Variants in GPC6 observed in about 807,000 individuals in gnomAD.
GPC6 encodes the protein glypican-6.
In GPC6, 14 loss-of-function variants were observed where a neutral mutation model predicts 55.2. The observed-to-expected ratio is 0.25, with a 90% confidence interval of 0.17 to 0.40. The LOEUF (loss-of-function observed/expected upper bound fraction) is 0.40. GPC6 is among the 10% of genes least tolerant of loss of function. The probability of loss-of-function intolerance (pLI) is 1.00; values close to 1 mark genes in which losing one functional copy is unlikely to be tolerated. For missense variants in GPC6, 641 were observed against 708.5 expected (o/e 0.90, Z 1.08); for synonymous variants, 278 against 259.6 (o/e 1.07, Z -0.68).
intron 1 of GPC6, among the ~76,000 whole-genome samples, chr13:93,328,975 C>G (rs915773795): frequency 1.3e-5 from 2 of 152,052 alleles, no homozygotes; most frequent in African/African-American, 4.8e-5. Flanking sequence ...GATTCTGATA[C>G]CCTATATAGG....
At chr13:93,457,363 C>T (rs2139310061) in intron 1 of GPC6, among the ~76,000 whole-genome samples, 1 of 152,296 alleles carries the variant, frequency 6.6e-6, no homozygotes, top group African/African-American at 2.4e-5. Context: ...AATAAGGTCA[C>T]ATTCTGAGCT....
chr13:93,567,618 C>T (rs1048559756), intron 2 of GPC6, among the ~76,000 whole-genome samples: 1 of 151,914 alleles, frequency 6.6e-6, no homozygotes, highest in Non-Finnish European at 1.5e-5. Flanking sequence ...CCTCTGCACC[C>T]GGCCTATTGA....
intron 4 of GPC6, among the ~76,000 whole-genome samples, chr13:94,180,608 T>C (rs1414798839): frequency 6.6e-6 from 1 of 152,162 alleles, no homozygotes; most frequent in East Asian, 1.9e-4. Context: ...ATGTGATAAG[T>C]GGCCTTCTTC....
chr13:94,312,808 C>G (rs144625195), intron 6 of GPC6, among the ~76,000 whole-genome samples: 2 of 152,118 alleles, frequency 1.3e-5, no homozygotes, highest in African/African-American at 4.8e-5. Flanking sequence ...CAACAGTAAG[C>G]TAGATTCTCC....
intron 3 of GPC6, among the ~76,000 whole-genome samples, chr13:93,868,912 T>C (rs1431413015): frequency 4.0e-5 from 6 of 151,826 alleles, no homozygotes; most frequent in African/African-American, 1.4e-4. Flanking sequence ...CCACAAATAC[T>C]GTTGGCTGCA....
At chr13:93,981,763 T>C (rs9589875) in intron 3 of GPC6, among the ~76,000 whole-genome samples, 1 of 152,168 alleles carries the variant, frequency 6.6e-6, no homozygotes, top group Admixed American at 6.6e-5. Flanking sequence ...TTTCACAGTG[T>C]CATGTGTTTG....
chr13:94,324,546 G>A (rs1355565523), intron 6 of GPC6, among the ~76,000 whole-genome samples: 1 of 152,074 alleles, frequency 6.6e-6, no homozygotes, highest in Non-Finnish European at 1.5e-5. Flanking sequence ...GCCACAAGAA[G>A]AATCTTGCAG....
At chr13:93,995,629 C>T (rs1881509294) in intron 3 of GPC6, among the ~76,000 whole-genome samples, 1 of 152,154 alleles carries the variant, frequency 6.6e-6, no homozygotes, top group Non-Finnish European at 1.5e-5. Context: ...TGAACTTAAA[C>T]TTCAGTAATG....
intron 5 of GPC6, among the ~76,000 whole-genome samples, chr13:94,293,188 C>T (rs1042409137): frequency 1.1e-4 from 16 of 152,116 alleles, no homozygotes; most frequent in Admixed American, 3.3e-4. Flanking sequence ...CTACCAAGTA[C>T]CAGGCACAAG....
intron 2 of GPC6, among the ~76,000 whole-genome samples, chr13:93,629,493 A>C (rs964275898): frequency 1.3e-5 from 2 of 152,184 alleles, no homozygotes; most frequent in Admixed American, 1.3e-4. Flanking sequence ...TCTATTTTTT[A>C]AAAATCTTTA....
intron 1 of GPC6, among the ~76,000 whole-genome samples, chr13:93,507,152 C>T (rs1050059226): frequency 1.3e-5 from 2 of 150,664 alleles, no homozygotes; most frequent in Non-Finnish European, 2.9e-5. Flanking sequence ...TGTGGAGCAT[C>T]CCTGTGAAAG....
chr13:93,670,842 G>C (rs995733237), intron 2 of GPC6, among the ~76,000 whole-genome samples: 4 of 152,218 alleles, frequency 2.6e-5, no homozygotes, highest in Non-Finnish European at 5.9e-5. Flanking sequence ...ATTGTTTCTG[G>C]ATGATTGTGA....
chr13:93,543,588 C>T (rs1882416339), intron 1 of GPC6, among the ~76,000 whole-genome samples: 1 of 152,092 alleles, frequency 6.6e-6, no homozygotes. Flanking sequence ...GGAATAGTTT[C>T]AGAAGGAATG....
chr13:93,548,818 T>G (rs1437921877), intron 2 of GPC6, among the ~76,000 whole-genome samples: 2 of 152,176 alleles, frequency 1.3e-5, no homozygotes, highest in Non-Finnish European at 2.9e-5. Context: ...GAAATTTTAA[T>G]TCTTTGGCAG....
intron 4 of GPC6, among the ~76,000 whole-genome samples, chr13:94,206,540 C>T (rs1427362957): frequency 1.3e-5 from 2 of 152,118 alleles, no homozygotes; most frequent in African/African-American, 4.8e-5. Flanking sequence ...ACCTCTCCCA[C>T]GGCTAGCTAA....
chr13:93,505,615 G>T (rs1264974082), intron 1 of GPC6, among the ~76,000 whole-genome samples: 1 of 152,144 alleles, frequency 6.6e-6, no homozygotes, highest in Non-Finnish European at 1.5e-5. Flanking sequence ...CAGCAGTTCA[G>T]CACTACAGCT....
chr13:93,488,603 C>T (rs1259305932), intron 1 of GPC6, among the ~76,000 whole-genome samples: 1 of 152,180 alleles, frequency 6.6e-6, no homozygotes, highest in Non-Finnish European at 1.5e-5. Context: ...AAGAGTGTTC[C>T]TATTTCTCCA....
At chr13:93,816,937 G>A (rs1281205606) in intron 2 of GPC6, among the ~76,000 whole-genome samples, 2 of 152,122 alleles carry the variant, frequency 1.3e-5, no homozygotes, top group Admixed American at 1.3e-4. Context: ...TGAAGCTTAT[G>A]TTTCAGGTAC....
intron 1 of GPC6, among the ~76,000 whole-genome samples, chr13:93,367,705 G>A (rs1303280043): frequency 3.3e-5 from 5 of 152,046 alleles, no homozygotes; most frequent in South Asian, 2.1e-4. Context: ...TTATTTAATA[G>A]TGTGTTGCTT....
Sources: allele counts gnomAD v4.1 joint callset (sites outside exome capture counted in the v4.1 genomes callset), GRCh38; gene constraint gnomAD v4.1.1; transcripts MANE v1.5; gene names NCBI Gene and HGNC (gene_info 2026-07-23, HGNC 2026-07-21).